The following CD2AP variants were observed in gnomAD, a reference collection of about 807,000 sequenced individuals.
The protein encoded by CD2AP is CD2 associated protein.
A neutral mutation model predicts 85.1 loss-of-function variants in CD2AP; 46 were observed. That is an observed-to-expected ratio of 0.54 (90% CI 0.43 to 0.69). The LOEUF is 0.69. Among genes scored for constraint, CD2AP ranks in the 30% least tolerant of loss-of-function variants. The pLI, the probability that CD2AP is intolerant of heterozygous loss-of-function variation, is 0.00. For missense variants in CD2AP, 769 were observed against 729.5 expected, an observed-to-expected ratio of 1.05 and a Z score of -0.62; for synonymous variants, 255 against 252.9, an observed-to-expected ratio of 1.01 and a Z score of -0.08.
intron 3 of CD2AP, among the ~76,000 whole-genome samples, chr6:47,536,407 A>G (rs986126362): frequency 6.6e-6 from 1 of 152,168 alleles, no homozygotes; most frequent in Non-Finnish European, 1.5e-5. Flanking sequence ...TAAACACTGC[A>G]GTGTATATGT....
intron 6 of CD2AP, among the ~76,000 whole-genome samples, chr6:47,576,139 A>G (rs900857943): frequency 1.4e-4 from 21 of 152,164 alleles, no homozygotes; most frequent in Admixed American, 6.5e-5. Flanking sequence ...CAGTGGTACA[A>G]TCATAGCTCA....
At chr6:47,516,529 A>C (rs1766457754) in intron 2 of CD2AP, among the ~76,000 whole-genome samples, 1 of 152,202 alleles carries the variant, frequency 6.6e-6, no homozygotes, top group South Asian at 2.1e-4. Flanking sequence ...GTGTGTGTTG[A>C]CTGGTACTCA....
intron 4 of CD2AP, among the ~76,000 whole-genome samples, chr6:47,554,429 G>A (rs1767619035): frequency 1.3e-5 from 2 of 152,098 alleles, no homozygotes; most frequent in African/African-American, 2.4e-5. Context: ...GTAAATGTGC[G>A]AAGTACTGTT....
In CD2AP at chr6:47,567,316, A is replaced by C. The variant is rs561127232; in HGVS notation, c.542-6748A>C. 2.6e-5 allele frequency among the ~76,000 whole-genome samples: 4 copies of C among 152,282 alleles called. No individual in the cohort carries two copies. In the East Asian group the frequency reaches 7.7e-4, roughly 29 times the overall value. Reference sequence around the variant, plus strand: ...AGGGTATTCCAAAATCTGAAATTTAAAAGTCAAAGCCGGCAAAGGGAAATT... The same window carrying C: ...AGGGTATTCCAAAATCTGAAATTTACAAGTCAAAGCCGGCAAAGGGAAATT... On this transcript the variant is annotated intron_variant, in intron 5 of 17. Coordinates refer to ENST00000359314, the MANE Select transcript of CD2AP (RefSeq NM_012120.3).
intron 8 of CD2AP, among the ~76,000 whole-genome samples, chr6:47,577,399 A>G (rs1381708327): frequency 6.6e-6 from 1 of 152,056 alleles, no homozygotes; most frequent in Non-Finnish European, 1.5e-5. Context: ...TCAACTTCCC[A>G]GGTTTTTATT....
intron 4 of CD2AP, among the ~76,000 whole-genome samples, chr6:47,547,531 G>A (rs1157395120): frequency 6.6e-6 from 1 of 151,916 alleles, no homozygotes; most frequent in Non-Finnish European, 1.5e-5. Flanking sequence ...TAGTTTATAA[G>A]ACAATTAGTA....
rs114654393 is a variant in CD2AP at position 47,608,117 on chromosome 6, G to T, written c.1632+89G>T. 2.0e-3 allele frequency: 1,871 copies of T among 917,024 alleles called. 22 individuals carry two copies. The African/African-American group carries it at 0.027, about 13-fold the overall frequency. The allele number at this position is 917,024 out of a possible 1,614,324, so 56.8% of individuals were successfully genotyped here. Reference sequence around the variant, plus strand: ...GGGAATTTAAGGTGTTCTTTAGGACGAATTATTTTTTCTGCCAAGAAATGA... The same window carrying T: ...GGGAATTTAAGGTGTTCTTTAGGACTAATTATTTTTTCTGCCAAGAAATGA... On this transcript the variant is annotated intron_variant, in intron 15 of 17. Coordinates refer to ENST00000359314, the MANE Select transcript of CD2AP (RefSeq NM_012120.3).
chr6:47,572,354 T>C (rs1450810175), intron 5 of CD2AP, among the ~76,000 whole-genome samples: 1 of 152,232 alleles, frequency 6.6e-6, no homozygotes, highest in Non-Finnish European at 1.5e-5. Context: ...TGTCAAACAT[T>C]ACTGAAATGC....
At chr6:47,502,743 T>G (rs141435438) in intron 1 of CD2AP, among the ~76,000 whole-genome samples, 161 of 152,166 alleles carry the variant, frequency 1.1e-3, no homozygotes, top group African/African-American at 3.4e-3. Context: ...CTGCCTGCCT[T>G]GGCCTCCCAA....
intron 1 of CD2AP, among the ~76,000 whole-genome samples, chr6:47,486,336 T>C (rs1765563608): frequency 6.6e-6 from 1 of 152,186 alleles, no homozygotes; most frequent in East Asian, 1.9e-4. Flanking sequence ...TTTTGATGAA[T>C]GTCATGAATG....
At chr6:47,521,002 C>G (rs1766574593) in intron 2 of CD2AP, among the ~76,000 whole-genome samples, 1 of 151,936 alleles carries the variant, frequency 6.6e-6, no homozygotes, top group Admixed American at 6.5e-5. Context: ...GAGGAACTTG[C>G]TCAGTTCCTG....
chr6:47,576,245 A>G (rs1562039902), intron 6 of CD2AP, among the ~76,000 whole-genome samples: 1 of 152,104 alleles, frequency 6.6e-6, no homozygotes. Context: ...CTAGCCTCTT[A>G]TTTATTTTAG....
chr6:47,547,719 T>C (rs1280277727), intron 4 of CD2AP, among the ~76,000 whole-genome samples: 1 of 152,114 alleles, frequency 6.6e-6, no homozygotes, highest in Non-Finnish European at 1.5e-5. Context: ...CACCACAGAA[T>C]ATACATTCTA....
chr6:47,622,825 G>A (rs1396274684), intron 17 of CD2AP, among the ~76,000 whole-genome samples: 1 of 152,198 alleles, frequency 6.6e-6, no homozygotes, highest in Admixed American at 6.5e-5. Context: ...TGTTCTGTCT[G>A]GAGCCGCAAT....
intron 2 of CD2AP, among the ~76,000 whole-genome samples, chr6:47,510,783 G>C (rs1247539321): frequency 2.0e-5 from 3 of 152,032 alleles, no homozygotes; most frequent in Non-Finnish European, 4.4e-5. Context: ...ATAGACTAAA[G>C]GATAGATGGG....
At chr6:47,570,325 G>C (rs1352142057) in intron 5 of CD2AP, among the ~76,000 whole-genome samples, 4 of 152,118 alleles carry the variant, frequency 2.6e-5, no homozygotes, top group African/African-American at 9.7e-5. Flanking sequence ...TCGATAGACA[G>C]ATTTGCTGTT....
At chr6:47,537,429 CA>C (rs977785228) in intron 3 of CD2AP, among the ~76,000 whole-genome samples, 1 of 152,078 alleles carries the variant, frequency 6.6e-6, no homozygotes, top group African/African-American at 2.4e-5. Flanking sequence ...CCCTCTTGAA[CA>C]GGGTAGGCTG....
intron 5 of CD2AP, among the ~76,000 whole-genome samples, chr6:47,565,095 T>A (rs1016405066): frequency 3.0e-4 from 46 of 152,114 alleles, no homozygotes; most frequent in African/African-American, 1.1e-3. Flanking sequence ...CAATGTTGAG[T>A]CTTCACAGAT....
chr6:47,536,480 G>A (rs1045066149), intron 3 of CD2AP, among the ~76,000 whole-genome samples: 1 of 152,102 alleles, frequency 6.6e-6, no homozygotes, highest in African/African-American at 2.4e-5. Flanking sequence ...TTTTGTCTAA[G>A]CAACTACAAA....
Sources: gnomAD v4.1 joint callset for allele counts (sites outside exome capture counted in the v4.1 genomes callset) on GRCh38, gnomAD v4.1.1 for gene constraint, MANE v1.5 for transcripts, NCBI Gene and HGNC (gene_info 2026-07-23, HGNC 2026-07-21) for gene names.